SLC35C1: variants seen among roughly 807,000 people sequenced by gnomAD.
The protein encoded by SLC35C1 is GDP-fucose transporter 1.
A neutral mutation model predicts 23.2 loss-of-function variants in SLC35C1; 8 were observed. That is an observed-to-expected ratio of 0.35 (90% confidence interval 0.20 to 0.62). SLC35C1 has a LOEUF of 0.62. Ranked by LOEUF, SLC35C1 falls within the 20% of genes least tolerant of loss-of-function variation. SLC35C1 has a pLI of 0.75. For synonymous variants in SLC35C1, 226 were observed against 225.1 expected (o/e 1.00, Z -0.04); for missense variants, 422 against 478.6 (o/e 0.88, Z 1.10).
upstream of SLC35C1, chr11:45,804,517 G>A (rs1378490425): frequency 1.0e-6 from 1 of 985,582 alleles, no homozygotes; most frequent in Non-Finnish European, 1.2e-6. Flanking sequence ...TTCTGGAAGG[G>A]GTAAGAGATG....
In SLC35C1 at chr11:45,812,777, TCAC is replaced by T. The variant is rs2085965039; in HGVS notation, c.*1446_*1448del. ...ACAAATTTCGGGGCCATACCACCCT[TCAC>T]CACACCCTCCTGCGCTCAGGGTGGC... On this transcript the variant is annotated 3_prime_UTR_variant, in exon 2 of 2. Coordinates refer to ENST00000314134, the MANE Select transcript of SLC35C1 (RefSeq NM_018389.5). The T allele has an allele frequency of 2.4e-6, 1 of 419,412 alleles. No individual in the cohort carries two copies. The highest frequency in any genetic ancestry group is 4.8e-6 in the Non-Finnish European group (1 of 206,728). 26.0% of individuals were successfully genotyped at this position (419,412 alleles called of 1,614,324 possible).
rs1184839008 is a variant in SLC35C1, at chr11:45,806,021, A to G, written c.220A>G (p.Ile74Val). Residue 74 changes from isoleucine (I) to valine (V), a missense_variant, in exon 1 of 2, where the codon ATC (isoleucine) becomes GTC (valine). Physicochemically the swap from Ile to Val is conservative, Grantham distance 29 (BLOSUM62 3). Transcript: ENST00000314134. ...CCCCTCCCTGCGGCTGGACACCCCCATCTTCGTCACCTTCTACCAGTGCCT... is the reference window on the plus strand; with the variant it reads ...CCCCTCCCTGCGGCTGGACACCCCCGTCTTCGTCACCTTCTACCAGTGCCT... ...DSPSLRLDTPIFVTFYQCLVT... is the reference protein window; with the variant it reads ...DSPSLRLDTPVFVTFYQCLVT... 3.1e-6 allele frequency: 5 copies of G among 1,613,688 alleles called. No individual in the cohort carries two copies. The African/African-American group carries it at 5.3e-5, about 17-fold the overall frequency.
At chr11:45,806,460 G>A in intron 1 of SLC35C1, 124 bp downstream of exon 1, 2 of 1,321,656 alleles carry the variant, frequency 1.5e-6, no homozygotes, top group Admixed American at 2.0e-5. Context: ...AGTCATAGGA[G>A]AAAGAGCCTG....
Position 45,812,793 on chromosome 11 carries a change from C to T in SLC35C1, c.*1458C>T, listed in dbSNP as rs2085965338. The T allele has an allele frequency of 5.1e-6, 2 of 392,140 alleles. No homozygotes were observed. The highest frequency in any genetic ancestry group is 1.0e-5 in the Non-Finnish European group (2 of 195,216). 24.3% of individuals were successfully genotyped at this position (392,140 alleles called of 1,614,324 possible). On this transcript the variant is annotated 3_prime_UTR_variant, in exon 2 of 2. Transcript: ENST00000314134. ...TACCACCCTTCACCACACCCTCCTG[C>T]GCTCAGGGTGGCTTGCAGTCCCTGG...
Position 45,806,031 on chromosome 11 carries a change from C to T in SLC35C1, c.230C>T (p.Thr77Ile), listed in dbSNP as rs2085869440. The stretch of plus-strand genomic sequence containing the variant: ...CGGCTGGACACCCCCATCTTCGTCA[C>T]CTTCTACCAGTGCCTGGTGACCACG... ...SLRLDTPIFV[T>I]FYQCLVTTLL... Residue 77 changes from threonine to isoleucine, a missense_variant, in exon 1 of 2, where the codon ACC becomes ATC. By Grantham distance (89) the Thr-to-Ile change is moderately conservative. Coordinates refer to ENST00000314134, the MANE Select transcript of SLC35C1 (RefSeq NM_018389.5). The T allele has an allele frequency of 6.2e-7, 1 of 1,613,914 alleles. No homozygotes were observed. The highest frequency in any genetic ancestry group is 8.5e-7 in the Non-Finnish European group (1 of 1,180,018).
Position 45,805,984 on chromosome 11 carries a change from C to A in SLC35C1, c.183C>A (p.Tyr61Ter), listed in dbSNP as rs2085868285. 6.2e-7 allele frequency: 1 copy of A among 1,613,984 alleles called. No homozygotes were observed. ...TCTCCATGGTGTTCCTTAATAAGTA[C>A]CTGCTGGACAGCCCCTCCCTGCGGC... The part of the protein sequence containing the change: ...TSISMVFLNK[Y>*]LLDSPSLRLD... The change falls in exon 1 of 2, where the codon TAC becomes TAA. Residue 61 changes from tyrosine to a stop codon, truncating the protein, a stop_gained. Coordinates refer to ENST00000314134, the MANE Select transcript of SLC35C1 (RefSeq NM_018389.5). LOFTEE classifies it high-confidence loss of function.
chr11:45,806,941 T>C (rs907907727), intron 1 of SLC35C1: 7 of 981,502 alleles, frequency 7.1e-6, no homozygotes, highest in African/African-American at 1.7e-5. Context: ...GCAAGCAATA[T>C]GCTTTGAGAG....
Position 45,805,477 on chromosome 11 carries a change from G to T in SLC35C1, c.-325G>T. On this transcript the variant is annotated 5_prime_UTR_variant, in exon 1 of 2. Transcript: ENST00000314134. ...TTCCTCTCCCCTCCCTTCTCTCTGC[G>T]ACCCCTCCCTGTTAGGCCCCAGCCT... 3 of 1,204,410 alleles carry T rather than the reference G, an allele frequency of 2.5e-6. No homozygotes were observed. The highest frequency in any genetic ancestry group is 1.0e-6 in the Non-Finnish European group (1 of 959,338). The allele number at this position is 1,204,410 out of a possible 1,614,324, so 74.6% of individuals were successfully genotyped here.
Position 45,811,021 on chromosome 11 carries a change from C to A in SLC35C1, c.781C>A (p.Leu261Met). The A allele has an allele frequency of 6.2e-7, 1 of 1,612,976 alleles. No homozygotes were observed. Residue 261 changes from leucine to methionine, a missense_variant, in exon 2 of 2, where the codon CTG becomes ATG. Leu to Met is a conservative substitution (Grantham distance 15). Transcript: ENST00000314134. ...ELQALRDFAQ[L>M]GSAHFWGMMT... is the part of the protein sequence containing the mutation. ...TCAGGCCCTGCGTGACTTTGCCCAG[C>A]TGGGCAGTGCCCACTTCTGGGGGAT... is the stretch of plus-strand genomic sequence containing the variant.
intron 1 of SLC35C1, 133 bp from the exon 2 acceptor site, chr11:45,810,643 G>A: frequency 6.9e-7 from 1 of 1,447,002 alleles, no homozygotes; most frequent in Non-Finnish European, 9.1e-7. Context: ...CTTATTGGAG[G>A]GAGGCCTGGG....
At chr11:45,808,934 C>T (rs144234126) in intron 1 of SLC35C1, among the ~76,000 whole-genome samples, 5,965 of 152,272 alleles carry the variant, frequency 0.039, 130 homozygotes, top group Middle Eastern at 0.1. Context: ...ACCCAGGAGG[C>T]GAAGGTTGCA....
Position 45,805,264 on chromosome 11 carries a change from C to T in SLC35C1, c.-538C>T. ...CTTCAGCCCCAAGCCCCGAGCCCCT[C>T]TGACCCTTCCGCAGCCCTCCCTCCA... is the stretch of plus-strand genomic sequence containing the variant. On this transcript the variant is annotated 5_prime_UTR_variant, in exon 1 of 2. Coordinates refer to ENST00000314134, the MANE Select transcript of SLC35C1 (RefSeq NM_018389.5). 1 of 1,037,324 alleles carries T rather than the reference C, an allele frequency of 9.6e-7. No individual in the cohort carries two copies. Among genetic ancestry groups the T allele is most frequent in the Non-Finnish European group, 1.2e-6 (1 of 859,154 alleles). The allele number at this position is 1,037,324 out of a possible 1,614,324, so 64.3% of individuals were successfully genotyped here.
At position 45,811,382 on chromosome 11, in the gene SLC35C1, G is replaced by T; in HGVS notation, c.*47G>T. On this transcript the variant is annotated 3_prime_UTR_variant, in exon 2 of 2. Coordinates refer to ENST00000314134, the MANE Select transcript of SLC35C1 (RefSeq NM_018389.5). ...GCCCGGCCCCGGGGCCCGTACACAG[G>T]CGGGGCCAGCACAGTAGTGAAGGCG... is the stretch of plus-strand genomic sequence containing the variant. The T allele has an allele frequency of 2.1e-6, 3 of 1,431,388 alleles. No homozygotes were observed. Among genetic ancestry groups the T allele is most frequent in the Non-Finnish European group, 2.7e-6 (3 of 1,092,188 alleles). The allele number at this position is 1,431,388 out of a possible 1,614,324, so 88.7% of individuals were successfully genotyped here. A position where few individuals can be genotyped will look rare whatever the true frequency, so the allele number is the denominator to read the frequency against.
Position 45,805,471 on chromosome 11 carries a change from C to G in SLC35C1, c.-331C>G. ...CTGCCATTCCTCTCCCCTCCCTTCT[C>G]TCTGCGACCCCTCCCTGTTAGGCCC... On this transcript the variant is annotated 5_prime_UTR_variant, in exon 1 of 2. Transcript: ENST00000314134. 1 of 1,223,128 alleles carries G rather than the reference C, an allele frequency of 8.2e-7. No homozygotes were observed. The highest frequency in any genetic ancestry group is 2.0e-5 in the South Asian group (1 of 49,364). The allele number at this position is 1,223,128 out of a possible 1,614,324, so 75.8% of individuals were successfully genotyped here.
In SLC35C1 at chr11:45,805,809, G is replaced by C. The variant is rs1260609262; in HGVS notation, c.8G>C (p.Arg3Thr). ...CCCAGCTCCTCTGCTACCATGAATA[G>C]GGCCCCTCTGAAGCGGTCCAGGATC... MN[R>T]APLKRSRILH... The change falls in exon 1 of 2, where the codon AGG becomes ACG. Residue 3 changes from arginine (R) to threonine (T), a missense_variant. Transcript: ENST00000314134. 1 of 1,613,452 alleles carries C rather than the reference G, an allele frequency of 6.2e-7. No homozygotes were observed. The highest frequency in any genetic ancestry group is 8.5e-7 in the Non-Finnish European group (1 of 1,179,998).
At position 45,805,817 on chromosome 11, in the gene SLC35C1, C is replaced by G; in HGVS notation, c.16C>G (p.Leu6Val). The change falls in exon 1 of 2, where the codon CTG becomes GTG. Residue 6 changes from leucine (L) to valine (V), a missense_variant. Leu to Val is a conservative substitution (Grantham distance 32, BLOSUM62 1). Coordinates refer to ENST00000314134, the MANE Select transcript of SLC35C1 (RefSeq NM_018389.5). ...CTCTGCTACCATGAATAGGGCCCCT[C>G]TGAAGCGGTCCAGGATCCTGCACAT... is the stretch of plus-strand genomic sequence containing the variant. MNRAP[L>V]KRSRILHMAL... is the part of the protein sequence containing the mutation. The G allele has an allele frequency of 6.2e-7, 1 of 1,613,784 alleles. No homozygotes were observed. Among genetic ancestry groups the G allele is most frequent in the South Asian group, 1.1e-5 (1 of 91,076 alleles).
At position 45,810,886 on chromosome 11, in the gene SLC35C1, A is replaced by C. The variant is rs1356659540; in HGVS notation, c.646A>C (p.Thr216Pro). 6.2e-7 allele frequency: 1 copy of C among 1,612,314 alleles called. No homozygotes were observed. Among genetic ancestry groups the C allele is most frequent in the Non-Finnish European group, 8.5e-7 (1 of 1,180,024 alleles). The change falls in exon 2 of 2, where the codon ACC becomes CCC. Residue 216 changes from threonine to proline, a missense_variant. By Grantham distance (38) the Thr-to-Pro change is conservative. Transcript: ENST00000314134. ...SLCVSLNAIY[T>P]TKVLPAVDGS... ...CTGTGTCTCGCTCAACGCCATCTAC[A>C]CCACGAAGGTGCTCCCGGCGGTGGA...
rs546865255 is a variant in SLC35C1 at position 45,805,714 on chromosome 11, T to G, written c.-88T>G. On this transcript the variant is annotated 5_prime_UTR_variant, in exon 1 of 2. Transcript: ENST00000314134. ...CATGTGACAATGGAGGGCTGCGGCT[T>G]CCTTGCGGAGAGCACAAGTGAGCTC... is the stretch of plus-strand genomic sequence containing the variant. 1,053 of 1,596,124 alleles carry G rather than the reference T, an allele frequency of 6.6e-4. 6 individuals carry two copies. The African/African-American group carries it at 0.013, about 19-fold the overall frequency.
chr11:45,807,258 C>T (rs769925118), intron 1 of SLC35C1, among the ~76,000 whole-genome samples: 11 of 152,224 alleles, frequency 7.2e-5, no homozygotes, highest in Non-Finnish European at 1.6e-4. Flanking sequence ...GTATTCAATG[C>T]AGTAGCCATT....
Sources: allele counts gnomAD v4.1 joint callset (sites outside exome capture counted in the v4.1 genomes callset), GRCh38; gene constraint gnomAD v4.1.1; transcripts MANE v1.5; gene names NCBI Gene and HGNC (gene_info 2026-07-23, HGNC 2026-07-21).